ZSWIM6: variants seen among roughly 807,000 people sequenced by gnomAD.
The protein encoded by ZSWIM6 is zinc finger SWIM-type containing 6, also known as zinc finger SWIM domain-containing protein 6.
In ZSWIM6, 9 loss-of-function variants were observed where a neutral mutation model predicts 113.2. The ratio of observed to expected loss-of-function variants is 0.08; its 90% CI spans 0.05 to 0.14. ZSWIM6 has a LOEUF of 0.14. Among genes scored for constraint, ZSWIM6 ranks in the 10% least tolerant of loss-of-function variants. The pLI, the probability that ZSWIM6 is intolerant of heterozygous loss-of-function variation, is 1.00. For synonymous variants in ZSWIM6, 611 were observed against 606.5 expected, an observed-to-expected ratio of 1.01 and a Z score of -0.11; for missense variants, 1,162 against 1,552.2, an observed-to-expected ratio of 0.75 and a Z score of 4.22.
chr5:61,385,356 G>C (rs760243248), intron 1 of ZSWIM6, among the ~76,000 whole-genome samples: 8 of 152,200 alleles, frequency 5.3e-5, no homozygotes, highest in African/African-American at 1.9e-4. Context: ...TCACTCTTGA[G>C]TTTGACATCA....
At chr5:61,522,745 TTTTAAG>T (rs1384889448) in intron 5 of ZSWIM6, among the ~76,000 whole-genome samples, 1 of 152,200 alleles carries the variant, frequency 6.6e-6, no homozygotes, top group African/African-American at 2.4e-5. Flanking sequence ...TGCTCAGAAT[TTTTAAG>T]TTTAATTGTT....
intron 2 of ZSWIM6, among the ~76,000 whole-genome samples, chr5:61,482,301 G>A: frequency 6.6e-6 from 1 of 152,046 alleles, no homozygotes; most frequent in Non-Finnish European, 1.5e-5. Context: ...TGAACAATGA[G>A]AACACATGGA....
chr5:61,545,460 C>A lies in ZSWIM6; in HGVS notation c.*1143C>A, dbSNP rs543679615. On this transcript the variant is annotated 3_prime_UTR_variant, in exon 14 of 14. Transcript: ENST00000252744. ...AGCCTAGGAAACTTAAAAGAAATAT[C>A]CTTTTGACACAAAACACAAAATGTT... 1.3e-5 allele frequency: 2 copies of A among 151,988 alleles called. No individual in the cohort carries two copies. The highest frequency in any genetic ancestry group is 2.9e-5 in the Non-Finnish European group (2 of 67,998). The allele number at this position is 151,988 out of a possible 1,614,324, so 9.4% of individuals were successfully genotyped here.
chr5:61,409,401 C>CA (rs1305977249), intron 1 of ZSWIM6, among the ~76,000 whole-genome samples: 1 of 151,802 alleles, frequency 6.6e-6, no homozygotes, highest in Non-Finnish European at 1.5e-5. Flanking sequence ...AGCAAAAGAT[C>CA]AAAAAAGGAG....
At position 61,535,506 on chromosome 5, in the gene ZSWIM6, T is replaced by C. The variant is rs755314486; in HGVS notation, c.2268T>C (p.Gly756=). ...LLEAGPYSGL[G]EIIHRESVPM... ...CAGCCGGACCATATAGTGGTTTAGG[T>C]GAAATAATCCATCGGGAGAGCGTTC... Residue 756 remains glycine, a synonymous_variant, in exon 10 of 14, where the codon GGT becomes GGC. Transcript: ENST00000252744. The C allele has an allele frequency of 1.9e-6, 3 of 1,551,366 alleles. No homozygotes were observed. Among genetic ancestry groups the C allele is most frequent in the Non-Finnish European group, 1.7e-6 (2 of 1,146,730 alleles).
intron 1 of ZSWIM6, among the ~76,000 whole-genome samples, chr5:61,358,999 A>G (rs896578759): frequency 6.6e-6 from 1 of 152,206 alleles, no homozygotes; most frequent in African/African-American, 2.4e-5. Flanking sequence ...TCTGCTGTAT[A>G]GAGGACATTT....
rs1009860639 is a variant in ZSWIM6, at chr5:61,422,352, C to T, written c.677-50329C>T. Among the ~76,000 whole-genome samples the T allele has an allele frequency of 2.6e-5, 4 of 152,126 alleles. No individual in the cohort carries two copies. The South Asian group carries it at 8.3e-4, about 32-fold the overall frequency. ...CTTTTCCCAAAGGATTTTCTTGGCA[C>T]TTTTGTCAAAAATGAATTCACTGTA... is the stretch of plus-strand genomic sequence containing the variant. On this transcript the variant is annotated intron_variant, in intron 1 of 13. Transcript: ENST00000252744.
rs1240534127 is a variant in ZSWIM6 at position 61,413,481 on chromosome 5, A to C, written c.677-59200A>C. Among the ~76,000 whole-genome samples the C allele has an allele frequency of 4.6e-5, 7 of 152,230 alleles. No individual in the cohort carries two copies. In the Middle Eastern group the frequency reaches 0.014, roughly 296 times the overall value. ...TATTGTGAATAGTGCTGCAGTAAAC[A>C]TATGTGTGCCTGTGTCTTTATAGCA... On this transcript the variant is annotated intron_variant, in intron 1 of 13. Coordinates refer to ENST00000252744, the MANE Select transcript of ZSWIM6 (RefSeq NM_020928.2).
chr5:61,365,994 C>G (rs1017170533), intron 1 of ZSWIM6, among the ~76,000 whole-genome samples: 1 of 152,100 alleles, frequency 6.6e-6, no homozygotes, highest in African/African-American at 2.4e-5. Flanking sequence ...CAACCTCCAC[C>G]TCCCAGGCTC....
chr5:61,354,215 G>T (rs1048381030), intron 1 of ZSWIM6, among the ~76,000 whole-genome samples: 1 of 152,138 alleles, frequency 6.6e-6, no homozygotes, highest in Non-Finnish European at 1.5e-5. Flanking sequence ...TCCATAGTTG[G>T]ATCTACCTGT....
chr5:61,375,310 G>T, intron 1 of ZSWIM6: 1 of 1,608,084 alleles, frequency 6.2e-7, no homozygotes, highest in East Asian at 2.2e-5. Flanking sequence ...AAAAATGAAT[G>T]AGAACTGGAA....
At chr5:61,366,798 GCA>G (rs1561209438) in intron 1 of ZSWIM6, among the ~76,000 whole-genome samples, 2 of 151,968 alleles carry the variant, frequency 1.3e-5, no homozygotes, top group Non-Finnish European at 2.9e-5. Flanking sequence ...ACGTGATGGC[GCA>G]CACCTGTAGT....
chr5:61,336,322 G>A (rs1422508557), intron 1 of ZSWIM6, among the ~76,000 whole-genome samples: 3 of 152,018 alleles, frequency 2.0e-5, no homozygotes, highest in Non-Finnish European at 4.4e-5. Context: ...ATAGGTGCTG[G>A]TATATAAGTA....
In ZSWIM6 at chr5:61,408,934, G is replaced by A. The variant is rs548749684; in HGVS notation, c.677-63747G>A. Among the ~76,000 whole-genome samples the A allele has an allele frequency of 6.6e-5, 10 of 152,284 alleles. No homozygotes were observed. In the South Asian group the frequency reaches 2.1e-3, roughly 32 times the overall value. On this transcript the variant is annotated intron_variant, in intron 1 of 13. Transcript: ENST00000252744. ...GGAGTCAGGATGGGGCGAGGCCTGC[G>A]TGTGACTGATGGCGCGGGGGCGGGG...
intron 2 of ZSWIM6, among the ~76,000 whole-genome samples, chr5:61,487,431 A>C (rs1413592187): frequency 6.6e-6 from 1 of 152,000 alleles, no homozygotes; most frequent in African/African-American, 2.4e-5. Context: ...AATTCTGTGA[A>C]AAATGTCAAT....
At chr5:61,518,447 C>G (rs1320026106) in intron 4 of ZSWIM6, among the ~76,000 whole-genome samples, 1 of 151,384 alleles carries the variant, frequency 6.6e-6, no homozygotes, top group Non-Finnish European at 1.5e-5. Context: ...CTCTCCAGCA[C>G]CTGTTGTTTC....
chr5:61,449,196 G>C (rs1431931348), intron 1 of ZSWIM6, among the ~76,000 whole-genome samples: 1 of 152,056 alleles, frequency 6.6e-6, no homozygotes. Context: ...AATTACATTG[G>C]TTTCTCATAC....
intron 4 of ZSWIM6, among the ~76,000 whole-genome samples, chr5:61,502,906 G>A (rs1445980): frequency 0.38 from 57,031 of 151,726 alleles, 10,859 homozygotes; most frequent in South Asian, 0.43. Context: ...CTGCCACCCC[G>A]CCCCCGCCAC....
chr5:61,530,006 A>G, intron 7 of ZSWIM6, 46 bp from the exon 8 acceptor site: 2 of 1,471,742 alleles, frequency 1.4e-6, no homozygotes, highest in South Asian at 1.4e-5. Context: ...CTTTCCCTTC[A>G]TCTCCCTTCT....
Sources: gnomAD v4.1 joint callset for allele counts (sites outside exome capture counted in the v4.1 genomes callset) on GRCh38, gnomAD v4.1.1 for gene constraint, MANE v1.5 for transcripts, NCBI Gene and HGNC (gene_info 2026-07-23, HGNC 2026-07-21) for gene names.